The following IGSF8 variants were observed in gnomAD, a reference collection of about 807,000 sequenced individuals.
The protein encoded by IGSF8 is immunoglobulin superfamily member 8, also known as CD81 partner 3.
A neutral mutation model predicts 55.5 loss-of-function variants in IGSF8; 46 were observed. That is an observed-to-expected ratio of 0.83 (90% CI 0.65 to 1.06). The LOEUF (loss-of-function observed/expected upper bound fraction) is 1.06. Ranked by LOEUF, IGSF8 falls within the 50% of genes least tolerant of loss-of-function variation. The pLI, the probability that IGSF8 is intolerant of heterozygous loss-of-function variation, is 0.00. For synonymous variants in IGSF8, 314 were observed against 356.1 expected, an observed-to-expected ratio of 0.88 and a Z score of 1.33; for missense variants, 731 against 832.3, an observed-to-expected ratio of 0.88 and a Z score of 1.50.
At chr1:160,091,988 C>T (rs374463626) in intron 5 of IGSF8, 50 bp from the exon 6 acceptor site, 12 of 1,266,262 alleles carry the variant, frequency 9.5e-6, no homozygotes, top group Admixed American at 3.4e-5. Flanking sequence ...ATCCTCCACC[C>T]ATACACTTGC....
At position 160,098,506 on chromosome 1, in the gene IGSF8, A is replaced by G; in HGVS notation, c.-34T>C. The G allele has an allele frequency of 2.8e-6, 4 of 1,410,966 alleles. No homozygotes were observed. The highest frequency in any genetic ancestry group is 1.5e-5 in the African/African-American group (1 of 66,996). The allele number at this position is 1,410,966 out of a possible 1,614,324, so 87.4% of individuals were successfully genotyped here. A position where few individuals can be genotyped will look rare whatever the true frequency, so the allele number is the denominator to read the frequency against. On this transcript the variant is annotated 5_prime_UTR_variant, in exon 1 of 7. Transcript: ENST00000314485. ...GCCAGCTCTGGGGAGGCTCCGGGGG[A>G]TGGCGCGGGTTCTGGGGGGCCGGAA...
In IGSF8 at chr1:160,093,122, G is replaced by A. The variant is rs1650115270; in HGVS notation, c.1114C>T (p.Pro372Ser). ...LDTEGVGSLG[P>S]GYEGRHIAME... is the part of the protein sequence containing the mutation. ...GCAATGTGTCGGCCCTCATAGCCAGGGCCCAGGCTGCCCACACCCTCTGTG... is the reference window on the plus strand; with the variant it reads ...GCAATGTGTCGGCCCTCATAGCCAGAGCCCAGGCTGCCCACACCCTCTGTG... Residue 372 changes from proline to serine, a missense_variant, in exon 4 of 7, where the codon CCT (proline) becomes TCT (serine). Transcript: ENST00000314485. The A allele has an allele frequency of 6.2e-7, 1 of 1,613,716 alleles. No individual in the cohort carries two copies. The highest frequency in any genetic ancestry group is 1.3e-5 in the African/African-American group (1 of 74,926).
chr1:160,091,662 C>T, intron 6 of IGSF8, 54 bp from the exon 7 acceptor site: 3 of 631,848 alleles, frequency 4.7e-6, no homozygotes, highest in Admixed American at 2.7e-5. Flanking sequence ...GTGGGGCTCC[C>T]TCGCGGCCTC....
Position 160,094,050 on chromosome 1 carries a change from C to T in IGSF8, c.564G>A (p.Ala188=), listed in dbSNP as rs1226246799. The change falls in exon 3 of 7, where the codon GCG becomes GCA. Residue 188 remains alanine, a synonymous_variant. Transcript: ENST00000314485. This position sits in a 1 kb window ranked among gnomAD's most constrained non-coding sequence, Gnocchi z 4.0. The part of the protein sequence containing the change: ...EGQELALGCL[A]RTSTQKHTHL... ...GTGTGTGCTTCTGTGTGCTTGTCCT[C>T]GCCAGGCAGCCCAGTGCCAGCTCCT... 3.1e-6 allele frequency: 5 copies of T among 1,613,744 alleles called. No individual in the cohort carries two copies. Among genetic ancestry groups the T allele is most frequent in the East Asian group, 2.2e-5 (1 of 44,908 alleles).
At chr1:160,091,990 T>C (rs1344193841) in intron 5 of IGSF8, 52 bp from the exon 6 acceptor site, 1 of 1,251,138 alleles carries the variant, frequency 8.0e-7, no homozygotes, top group Non-Finnish European at 1.2e-6. Context: ...CCTCCACCCA[T>C]ACACTTGCCT....
In IGSF8 at chr1:160,097,835, C is replaced by A. The variant is rs1256392589; in HGVS notation, c.64+574G>T. 4 of 985,338 alleles carry A rather than the reference C, an allele frequency of 4.1e-6. No homozygotes were observed. In the African/African-American group the frequency reaches 7.0e-5, roughly 17 times the overall value. 61.0% of individuals were successfully genotyped at this position (985,338 alleles called of 1,614,324 possible). On this transcript the variant is annotated intron_variant, in intron 1 of 6. Coordinates refer to ENST00000314485, the MANE Select transcript of IGSF8 (RefSeq NM_052868.6). ...GATGGGTGGCTGCAGAGCCAAGTGC[C>A]ATTTGGGAGACAGGAAGAAGGGCAA...
At chr1:160,095,487 G>A (rs766403930) in intron 1 of IGSF8, among the ~76,000 whole-genome samples, 4 of 152,330 alleles carry the variant, frequency 2.6e-5, no homozygotes, top group Non-Finnish European at 2.9e-5. Context: ...CATTTCTGGC[G>A]GACTAGAAGC....
chr1:160,092,237 C>T (rs1267548878), intron 5 of IGSF8, 45 bp downstream of exon 5: 1 of 1,589,694 alleles, frequency 6.3e-7, no homozygotes, highest in South Asian at 1.1e-5. Context: ...GTGGCAGAGG[C>T]CAGGAGGAAG....
Position 160,093,759 on chromosome 1 carries a change from C to A in IGSF8, c.855G>T (p.Gln285His), listed in dbSNP as rs775064675. The A allele has an allele frequency of 6.2e-7, 1 of 1,613,656 alleles. No individual in the cohort carries two copies. Among genetic ancestry groups the A allele is most frequent in the Non-Finnish European group, 8.5e-7 (1 of 1,179,730 alleles). The change falls in exon 3 of 7, where the codon CAG becomes CAT. Residue 285 changes from glutamine to histidine, a missense_variant. Gln to His is a conservative substitution (Grantham distance 24, BLOSUM62 0). Coordinates refer to ENST00000314485, the MANE Select transcript of IGSF8 (RefSeq NM_052868.6). ...CCAGGACGGCCCTTTTCTCTGCAATCTGGGCCCAGCTGCCATCAGGATCCT... is the reference window on the plus strand; with the variant it reads ...CCAGGACGGCCCTTTTCTCTGCAATATGGGCCCAGCTGCCATCAGGATCCT... ...WIQDPDGSWA[Q>H]IAEKRAVLAH...
Position 160,093,101 on chromosome 1 carries a change from T to C in IGSF8, c.1135A>G (p.Ile379Val), listed in dbSNP as rs778139485. 9 of 1,613,916 alleles carry C rather than the reference T, an allele frequency of 5.6e-6. No individual in the cohort carries two copies. In the South Asian group the frequency reaches 9.9e-5, roughly 18 times the overall value. ...SLGPGYEGRH[I>V]AMEKVASRTY... The stretch of plus-strand genomic sequence containing the variant: ...CTGGATGCCACCTTCTCCATGGCAA[T>C]GTGTCGGCCCTCATAGCCAGGGCCC... The change falls in exon 4 of 7, where the codon ATT becomes GTT. Residue 379 changes from isoleucine (I) to valine (V), a missense_variant. Ile to Val is a conservative substitution (Grantham distance 29). Transcript: ENST00000314485.
chr1:160,095,777 C>G (rs893447727), intron 1 of IGSF8, among the ~76,000 whole-genome samples: 1 of 152,238 alleles, frequency 6.6e-6, no homozygotes, highest in Admixed American at 6.5e-5. Flanking sequence ...GGAAAGGGCA[C>G]AGGCCCAGTC....
At chr1:160,097,818 G>C in intron 1 of IGSF8, 2 of 985,474 alleles carry the variant, frequency 2.0e-6, no homozygotes, top group Non-Finnish European at 2.4e-6. Context: ...CTGATGGGTG[G>C]CTGCAGAGCC....
At chr1:160,095,767 G>A (rs936056205) in intron 1 of IGSF8, among the ~76,000 whole-genome samples, 1 of 152,256 alleles carries the variant, frequency 6.6e-6, no homozygotes, top group Non-Finnish European at 1.5e-5. Flanking sequence ...GACCCTAGCT[G>A]GAAAGGGCAC....
chr1:160,097,519 C>T (rs1026671494), intron 1 of IGSF8, among the ~76,000 whole-genome samples: 1 of 152,150 alleles, frequency 6.6e-6, no homozygotes, highest in Admixed American at 6.5e-5. Context: ...CCCACCCCCA[C>T]GCTTCACTCT....
chr1:160,096,480 T>C (rs1018261365), intron 1 of IGSF8, among the ~76,000 whole-genome samples: 6 of 152,140 alleles, frequency 3.9e-5, no homozygotes, highest in African/African-American at 1.2e-4. Flanking sequence ...GGGGATACCA[T>C]GGACTTTCTG....
rs1650238176 is a variant in IGSF8, at chr1:160,094,078, C to T, written c.536G>A (p.Gly179Glu). 6.2e-7 allele frequency: 1 copy of T among 1,612,964 alleles called. No homozygotes were observed. Among genetic ancestry groups the T allele is most frequent in the Non-Finnish European group, 8.5e-7 (1 of 1,180,046 alleles). Residue 179 changes from glycine to glutamate, a missense_variant, in exon 3 of 7, where the codon GGG (glycine) becomes GAG (glutamate). Transcript: ENST00000314485. This position sits in a 1 kb window ranked among gnomAD's most constrained non-coding sequence, Gnocchi z 4.0. ...TSPPRMTVHEGQELALGCLAR... is the reference protein window; with the variant it reads ...TSPPRMTVHEEQELALGCLAR... ...CAGGCAGCCCAGTGCCAGCTCCTGC[C>T]CCTCATGCACCGTCATGCGTGGGGG...
chr1:160,091,761 G>A lies in IGSF8; in HGVS notation c.*15+47C>T, dbSNP rs1649968571. 6 of 1,218,138 alleles carry A rather than the reference G, an allele frequency of 4.9e-6. No homozygotes were observed. The Admixed American group carries it at 8.4e-5, about 17-fold the overall frequency. 75.5% of individuals were successfully genotyped at this position (1,218,138 alleles called of 1,614,324 possible). On this transcript the variant is annotated intron_variant, in intron 6 of 6. Transcript: ENST00000314485. ...GGAGCAGCTTGGTTCAGGACTTGGG[G>A]GTGGGAAGCCCAATGAAAACAAGGT...
At chr1:160,091,762 G>T in intron 6 of IGSF8, 46 bp downstream of exon 6, 1 of 1,235,890 alleles carries the variant, frequency 8.1e-7, no homozygotes, top group Non-Finnish European at 1.2e-6. Context: ...GGACTTGGGG[G>T]TGGGAAGCCC....
Position 160,098,423 on chromosome 1 carries a change from A to AGCAGCAGCGGCAGCGAAGGCG in IGSF8, c.29_49dup (p.Pro10_Leu16dup), listed in dbSNP as rs1314547768. 4 of 1,549,448 alleles carry AGCAGCAGCGGCAGCGAAGGCG rather than the reference A, an allele frequency of 2.6e-6. No individual in the cohort carries two copies. In the African/African-American group the frequency reaches 5.5e-5, roughly 21 times the overall value. ...GCCTGGCTTACCTAGCATTAGCAGC[A>AGCAGCAGCGGCAGCGAAGGCG]GCAGCAGCGGCAGCGAAGGCGGCAG... On this transcript the variant is annotated inframe_insertion, in exon 1 of 7. Coordinates refer to ENST00000314485, the MANE Select transcript of IGSF8 (RefSeq NM_052868.6).
Sources: allele counts gnomAD v4.1 joint callset (sites outside exome capture counted in the v4.1 genomes callset), GRCh38; gene constraint gnomAD v4.1.1; non-coding constraint Gnocchi (gnomAD v3.1); transcripts MANE v1.5; gene names NCBI Gene and HGNC (gene_info 2026-07-23, HGNC 2026-07-21).